The following BABAM2 variants were observed in gnomAD, a reference collection of about 807,000 sequenced individuals.
BABAM2 encodes BRISC and BRCA1 A complex member 2, also known as BRISC and BRCA1-A complex member 2.
BABAM2 carries 31 observed loss-of-function variants against 54.7 expected under a neutral mutation model. That is an observed-to-expected ratio of 0.57 (90% CI 0.43 to 0.77). BABAM2 has a LOEUF of 0.77. Among genes scored for constraint, BABAM2 ranks in the 30% least tolerant of loss-of-function variants. The pLI is 0.00. For synonymous variants in BABAM2, 167 were observed against 162.9 expected (o/e 1.03, Z -0.19); for missense variants, 364 against 455.8 (o/e 0.80, Z 1.83).
Position 28,045,722 on chromosome 2 carries a change from C to T in BABAM2, c.496-3C>T, listed in dbSNP as rs1677505734. On this transcript the variant is annotated splice_polypyrimidine_tract_variant and splice_region_variant and intron_variant, in intron 5 of 11. Transcript: ENST00000379624. ...TCTTATTATTATAACTTTCTTTTTA[C>T]AGACTGGTGAATTTTCAGCTCGTTT... 1 of 1,608,500 alleles carries T rather than the reference C, an allele frequency of 6.2e-7. No homozygotes were observed. The highest frequency in any genetic ancestry group is 1.7e-5 in the Admixed American group (1 of 59,880).
At chr2:28,158,771 C>T (rs370079792) in intron 7 of BABAM2, among the ~76,000 whole-genome samples, 1 of 152,170 alleles carries the variant, frequency 6.6e-6, no homozygotes, top group African/African-American at 2.4e-5. Flanking sequence ...TTAATTATTG[C>T]GTGATTTACA....
In BABAM2 at chr2:27,894,523, C is replaced by G; in HGVS notation, c.-24-10C>G. Reference sequence around the variant, plus strand: ...AAGCCCTGATCATTATTCTTTCCTTCTGCTTTCAGTGGTGATTTACAAGTC... The same window carrying G: ...AAGCCCTGATCATTATTCTTTCCTTGTGCTTTCAGTGGTGATTTACAAGTC... On this transcript the variant is annotated splice_polypyrimidine_tract_variant and intron_variant, in intron 1 of 11. Coordinates refer to ENST00000379624, the MANE Select transcript of BABAM2 (RefSeq NM_199191.3). 8.7e-6 allele frequency: 14 copies of G among 1,612,230 alleles called. No homozygotes were observed. The highest frequency in any genetic ancestry group is 1.2e-5 in the Non-Finnish European group (14 of 1,178,302).
intron 2 of BABAM2, 179 bp downstream of exon 2, chr2:27,894,863 A>G: frequency 1.5e-6 from 1 of 646,138 alleles, no homozygotes; most frequent in Non-Finnish European, 2.5e-6. Context: ...GTTTCAGGTT[A>G]TTTTATTTGT....
At chr2:28,005,843 T>TAGTAGCATTGTAGTTTGAAGCAAACCCC (rs1673921915) in intron 4 of BABAM2, among the ~76,000 whole-genome samples, 1 of 152,146 alleles carries the variant, frequency 6.6e-6, no homozygotes, top group African/African-American at 2.4e-5. Context: ...ACTTACTGCC[T>TAGTAGCATTGTAGTTTGAAGCAAACCCC]AGTAGCATTG....
At chr2:27,915,059 G>T (rs1666866823) in intron 2 of BABAM2, among the ~76,000 whole-genome samples, 2 of 151,960 alleles carry the variant, frequency 1.3e-5, no homozygotes, top group Admixed American at 1.3e-4. Flanking sequence ...GGCATGATGG[G>T]CTCCATTAGA....
intron 7 of BABAM2, among the ~76,000 whole-genome samples, chr2:28,130,896 C>T (rs879711331): frequency 9.2e-5 from 14 of 151,820 alleles, no homozygotes; most frequent in African/African-American, 7.3e-5. Context: ...CCAGCCACCA[C>T]GCCCAGCTAA....
chr2:28,206,566 A>G (rs1678864284), intron 7 of BABAM2, among the ~76,000 whole-genome samples: 1 of 152,138 alleles, frequency 6.6e-6, no homozygotes, highest in Non-Finnish European at 1.5e-5. Flanking sequence ...GCGGAGGCTG[A>G]AACCCCACCA....
intron 10 of BABAM2, among the ~76,000 whole-genome samples, chr2:28,294,096 G>A (rs967459950): frequency 6.6e-6 from 1 of 151,578 alleles, no homozygotes; most frequent in Admixed American, 6.6e-5. Context: ...AAAGCAAATG[G>A]CTGGCCAGGC....
At position 28,095,453 on chromosome 2, in the gene BABAM2, G is replaced by T. The variant is rs560174959; in HGVS notation, c.571-33818G>T. ...TGTAGGTCTAATACCTAGCACAGGG[G>T]CTAGTACAGAGTTGGTGCTTGATAA... On this transcript the variant is annotated intron_variant, in intron 6 of 11. Transcript: ENST00000379624. Among the ~76,000 whole-genome samples the T allele has an allele frequency of 8.5e-5, 13 of 152,298 alleles. No homozygotes were observed. The East Asian group carries it at 2.1e-3, about 25-fold the overall frequency.
intron 4 of BABAM2, among the ~76,000 whole-genome samples, chr2:28,019,387 A>C (rs1469511639): frequency 1.3e-5 from 2 of 150,804 alleles, no homozygotes; most frequent in Admixed American, 1.3e-4. Flanking sequence ...TAGATTCTGG[A>C]TATTAGTTGT....
chr2:27,934,569 G>A (rs1207570746), intron 3 of BABAM2, among the ~76,000 whole-genome samples: 1 of 152,216 alleles, frequency 6.6e-6, no homozygotes, highest in African/African-American at 2.4e-5. Flanking sequence ...TAGAAATGAT[G>A]AAGTTTAGTG....
intron 8 of BABAM2, among the ~76,000 whole-genome samples, chr2:28,239,951 C>T (rs1682260290): frequency 6.6e-6 from 1 of 152,116 alleles, no homozygotes; most frequent in Non-Finnish European, 1.5e-5. Flanking sequence ...GGCCCAGTAT[C>T]ATCTAGGAAG....
intron 7 of BABAM2, among the ~76,000 whole-genome samples, chr2:28,176,495 A>G: frequency 7.3e-6 from 1 of 136,622 alleles, no homozygotes; most frequent in East Asian, 2.3e-4. Context: ...ACTTGAACCC[A>G]GGAGGCAGAG....
At chr2:28,025,743 T>C (rs1232326447) in intron 5 of BABAM2, among the ~76,000 whole-genome samples, 1 of 152,224 alleles carries the variant, frequency 6.6e-6, no homozygotes, top group Non-Finnish European at 1.5e-5. Flanking sequence ...AGGCCACATT[T>C]TGAGACACTA....
Position 28,088,597 on chromosome 2 carries a change from C to T in BABAM2, c.571-40674C>T, listed in dbSNP as rs149485831. On this transcript the variant is annotated intron_variant, in intron 6 of 11. Coordinates refer to ENST00000379624, the MANE Select transcript of BABAM2 (RefSeq NM_199191.3). ...CTGAGCTGCTCTAAGCCAGTGTTGC[C>T]CAACCGTGACCATACCTGGGGAGCT... 2.6e-3 allele frequency among the ~76,000 whole-genome samples: 395 copies of T among 152,226 alleles called. 4 individuals are homozygous for T. The highest frequency in any genetic ancestry group is 9.2e-3 in the African/African-American group (382 of 41,530).
intron 5 of BABAM2, among the ~76,000 whole-genome samples, chr2:28,045,484 T>C (rs1677490682): frequency 6.6e-6 from 1 of 152,244 alleles, no homozygotes; most frequent in South Asian, 2.1e-4. Context: ...AATTATAATT[T>C]TATTGTACAT....
At chr2:27,923,143 A>T (rs762942959) in intron 2 of BABAM2, among the ~76,000 whole-genome samples, 19 of 152,236 alleles carry the variant, frequency 1.2e-4, no homozygotes, top group Admixed American at 2.0e-4. Flanking sequence ...AGAAATGTGA[A>T]GTTTTGTGAT....
In BABAM2 at chr2:28,325,128, A is replaced by G. The variant is rs1163698007; in HGVS notation, c.1089-13322A>G. Reference sequence around the variant, plus strand: ...TTTAATGCTGCTCAGAACCCACTAAATGGATTTTGTGATCCACTGTTTGAA... The same window carrying G: ...TTTAATGCTGCTCAGAACCCACTAAGTGGATTTTGTGATCCACTGTTTGAA... On this transcript the variant is annotated intron_variant, in intron 11 of 11. Transcript: ENST00000379624. This position sits in a 1 kb window ranked among gnomAD's most constrained non-coding sequence, Gnocchi z 4.3. Among the ~76,000 whole-genome samples the G allele has an allele frequency of 6.6e-6, 1 of 152,190 alleles. No homozygotes were observed. The highest frequency in any genetic ancestry group is 2.4e-5 in the African/African-American group (1 of 41,444).
chr2:28,169,341 G>T (rs967033317), intron 7 of BABAM2, among the ~76,000 whole-genome samples: 1 of 152,194 alleles, frequency 6.6e-6, no homozygotes, highest in African/African-American at 2.4e-5. Flanking sequence ...AACAATATGT[G>T]TTAAAAACCT....
Sources: gnomAD v4.1 joint callset for allele counts (sites outside exome capture counted in the v4.1 genomes callset) on GRCh38, gnomAD v4.1.1 for gene constraint, Gnocchi (gnomAD v3.1) non-coding constraint, MANE v1.5 for transcripts, NCBI Gene and HGNC (gene_info 2026-07-23, HGNC 2026-07-21) for gene names.